The following NUDT9 variants were observed in gnomAD, a reference collection of about 807,000 sequenced individuals.
NUDT9 encodes nudix hydrolase 9, also known as ADP-ribose pyrophosphatase.
Under a neutral mutation model 41.0 loss-of-function variants are expected in NUDT9, and 31 were observed. That is an observed-to-expected ratio of 0.76 (90% CI 0.57 to 1.02). The LOEUF is 1.02. Among genes scored for constraint, NUDT9 ranks in the 50% least tolerant of loss-of-function variants. The pLI is 0.00. For missense variants in NUDT9, 380 were observed against 431.4 expected (o/e 0.88, Z 1.06); for synonymous variants, 146 against 147.6 (o/e 0.99, Z 0.08).
chr4:87,423,884 G>T (rs1334430903), intron 1 of NUDT9, among the ~76,000 whole-genome samples: 1 of 152,168 alleles, frequency 6.6e-6, no homozygotes, highest in Admixed American at 6.5e-5. Context: ...GTACCAGATG[G>T]GTAGACTGGG....
chr4:87,450,443 G>C (rs1002520058), intron 5 of NUDT9, among the ~76,000 whole-genome samples: 1 of 134,792 alleles, frequency 7.4e-6, no homozygotes, highest in Non-Finnish European at 1.5e-5. Flanking sequence ...GCAATGGCAT[G>C]ATCTCAGCTT....
intron 2 of NUDT9, 36 bp downstream of exon 2, chr4:87,435,256 C>G (rs775492042): frequency 6.4e-7 from 1 of 1,563,622 alleles, no homozygotes; most frequent in East Asian, 2.3e-5. Flanking sequence ...GGGAATAAGA[C>G]TTTTAGAGAA....
chr4:87,457,966 A>G lies in NUDT9; in HGVS notation c.998A>G (p.Glu333Gly). Residue 333 changes from glutamate (E) to glycine (G), a missense_variant, in exon 8 of 8, where the codon GAG becomes GGG. By Grantham distance (98) the Glu-to-Gly change is moderately conservative. Transcript: ENST00000302174. ...SHSQFIKLVA[E>G]KRDAHWSEDS... ...TCTCAATTCATCAAACTTGTGGCTG[A>G]GAAACGAGATGCACACTGGAGCGAG... is the stretch of plus-strand genomic sequence containing the variant. 6.3e-7 allele frequency: 1 copy of G among 1,595,852 alleles called. No homozygotes were observed. The highest frequency in any genetic ancestry group is 8.5e-7 in the Non-Finnish European group (1 of 1,174,080).
chr4:87,423,992 G>A (rs1721279010), intron 1 of NUDT9, among the ~76,000 whole-genome samples: 2 of 152,168 alleles, frequency 1.3e-5, no homozygotes, highest in South Asian at 4.1e-4. Flanking sequence ...AAATTATTAA[G>A]CCTAAGTTTC....
At chr4:87,432,985 T>C (rs182138519) in intron 1 of NUDT9, among the ~76,000 whole-genome samples, 86 of 152,292 alleles carry the variant, frequency 5.6e-4, no homozygotes, top group East Asian at 3.9e-4. Flanking sequence ...TTTGTCAAGC[T>C]TTAGTATCAG....
At chr4:87,438,251 A>G in intron 2 of NUDT9, 26 bp from the exon 3 acceptor site, 2 of 1,244,628 alleles carry the variant, frequency 1.6e-6, no homozygotes, top group Non-Finnish European at 2.4e-6. Flanking sequence ...ATTATTTCTT[A>G]TTTTACATTG....
At chr4:87,439,384 A>G (rs1311588821) in intron 3 of NUDT9, among the ~76,000 whole-genome samples, 1 of 151,940 alleles carries the variant, frequency 6.6e-6, no homozygotes, top group African/African-American at 2.4e-5. Context: ...GGCCAGGCAC[A>G]GTGGCTCACA....
intron 1 of NUDT9, among the ~76,000 whole-genome samples, chr4:87,423,455 C>CT (rs569578177): frequency 2.0e-3 from 305 of 151,978 alleles, no homozygotes; most frequent in Admixed American, 3.6e-3. Context: ...TATCTACCTC[C>CT]TTTTTTTTAA....
rs1367627065 is a variant in NUDT9 at position 87,451,645 on chromosome 4, G to A, written c.699G>A (p.Glu233=). ...CCACACTGAAAAGAGAATTTGGTGA[G>A]GAAGCTCTCAACTCCTTACAGAAAA... ...ISATLKREFG[E]EALNSLQKTS... is the part of the protein sequence containing the mutation. Residue 233 remains glutamate (E), a synonymous_variant, in exon 6 of 8, where the codon GAG becomes GAA. Coordinates refer to ENST00000302174, the MANE Select transcript of NUDT9 (RefSeq NM_024047.5). The A allele has an allele frequency of 6.2e-7, 1 of 1,613,526 alleles. No individual in the cohort carries two copies. Among genetic ancestry groups the A allele is most frequent in the African/African-American group, 1.3e-5 (1 of 74,890 alleles).
chr4:87,428,205 A>G (rs1721520512), intron 1 of NUDT9, among the ~76,000 whole-genome samples: 1 of 152,054 alleles, frequency 6.6e-6, no homozygotes, highest in Admixed American at 6.5e-5. Context: ...TGTAAAATGA[A>G]ATAGTAATTG....
In NUDT9 at chr4:87,423,360, TAAAAC is replaced by T. The variant is rs1053748559; in HGVS notation, c.107+351_107+355del. On this transcript the variant is annotated intron_variant, in intron 1 of 7. Transcript: ENST00000302174. ...ATTAGTATTAATACATGTACATAGT[TAAAAC>T]AACTTGAAAATGTAAAATGAAAAGT... Among the ~76,000 whole-genome samples the T allele has an allele frequency of 7.0e-4, 107 of 152,290 alleles. 1 individual carries two copies. The highest frequency in any genetic ancestry group is 2.5e-3 in the African/African-American group (103 of 41,558).
At position 87,423,021 on chromosome 4, in the gene NUDT9, C is replaced by A. The variant is rs1447352844; in HGVS notation, c.107+9C>A. The A allele has an allele frequency of 5.6e-6, 9 of 1,605,832 alleles. No homozygotes were observed. Among genetic ancestry groups the A allele is most frequent in the Middle Eastern group, 1.7e-4 (1 of 6,048 alleles). ...GGCATCCAGGCGTTCAGGTATTCCA[C>A]CCTCCTACTACCGGCTCCTTTGCCC... On this transcript the variant is annotated intron_variant, in intron 1 of 7. Transcript: ENST00000302174.
rs1200324122 is a variant in NUDT9 at position 87,435,058 on chromosome 4, A to G, written c.185A>G (p.His62Arg). The G allele has an allele frequency of 1.2e-6, 2 of 1,614,056 alleles. No homozygotes were observed. The highest frequency in any genetic ancestry group is 1.3e-5 in the African/African-American group (1 of 74,924). ...SGSNGSKENS[H>R]NKARTSPYPG... Reference sequence around the variant, plus strand: ...TCTAATGGTTCCAAAGAAAATTCTCACAATAAGGCTCGGACGTCTCCTTAC... The same window carrying G: ...TCTAATGGTTCCAAAGAAAATTCTCGCAATAAGGCTCGGACGTCTCCTTAC... Residue 62 changes from histidine to arginine, a missense_variant, in exon 2 of 8, where the codon CAC (histidine) becomes CGC (arginine). Physicochemically the swap from His to Arg is conservative, Grantham distance 29 (BLOSUM62 0). Transcript: ENST00000302174.
Position 87,425,425 on chromosome 4 carries a change from GCT to G in NUDT9, c.107+2417_107+2418del, listed in dbSNP as rs538281775. Among the ~76,000 whole-genome samples the G allele has an allele frequency of 2.1e-3, 243 of 115,004 alleles. 2 individuals are homozygous for G. The highest frequency in any genetic ancestry group is 0.017 in the Middle Eastern group (2 of 120). The allele number at this position is 115,004 out of a possible 152,430, so 75.4% of individuals were successfully genotyped here. ...TTTTTTTTTTTTGAGATGGAGTCTT[GCT>G]CTCGTTGCCAAGGCTGGAGTGCGGT... On this transcript the variant is annotated intron_variant, in intron 1 of 7. Transcript: ENST00000302174.
chr4:87,425,449 C>T (rs576924557), intron 1 of NUDT9, among the ~76,000 whole-genome samples: 10 of 133,628 alleles, frequency 7.5e-5, no homozygotes, highest in Admixed American at 4.2e-4. Flanking sequence ...GGCTGGAGTG[C>T]GGTGGCGTGA....
At chr4:87,454,630 T>A (rs1342859017) in intron 7 of NUDT9, among the ~76,000 whole-genome samples, 175 bp downstream of exon 7, 2 of 152,204 alleles carry the variant, frequency 1.3e-5, no homozygotes, top group Admixed American at 6.5e-5. Context: ...ATAGAAGAAA[T>A]CTTCAAAACT....
intron 1 of NUDT9, among the ~76,000 whole-genome samples, chr4:87,425,391 CTTTTTTT>C (rs70957241): frequency 6.0e-5 from 7 of 116,722 alleles, no homozygotes; most frequent in Admixed American, 5.5e-4. Context: ...TGTTCTTTTC[CTTTTTTT>C]TTTTTTTTTT....
At chr4:87,428,494 G>A (rs535718762) in intron 1 of NUDT9, among the ~76,000 whole-genome samples, 8 of 151,946 alleles carry the variant, frequency 5.3e-5, no homozygotes, top group African/African-American at 1.9e-4. Flanking sequence ...TCTTCAGTAG[G>A]TAAATGGATA....
chr4:87,441,762 G>A, intron 3 of NUDT9, 67 bp from the exon 4 acceptor site: 3 of 1,251,258 alleles, frequency 2.4e-6, no homozygotes, highest in South Asian at 1.3e-5. Flanking sequence ...CTTCTTTTGG[G>A]TTATATCAAA....
Sources: gnomAD v4.1 joint callset for allele counts (sites outside exome capture counted in the v4.1 genomes callset) on GRCh38, gnomAD v4.1.1 for gene constraint, MANE v1.5 for transcripts, NCBI Gene and HGNC (gene_info 2026-07-23, HGNC 2026-07-21) for gene names.